The following DNAH9 variants were observed in gnomAD, a reference collection of about 807,000 sequenced individuals.
DNAH9 encodes dynein axonemal heavy chain 9.
DNAH9 carries 345 observed loss-of-function variants against 471.6 expected under a neutral mutation model. The ratio of observed to expected loss-of-function variants is 0.73; its 90% CI spans 0.67 to 0.80. The LOEUF is 0.80. Among genes scored for constraint, DNAH9 ranks in the 30% least tolerant of loss-of-function variants. The pLI is 0.00. For synonymous variants in DNAH9, 2,093 were observed against 2,123.6 expected, an observed-to-expected ratio of 0.99 and a Z score of 0.40; for missense variants, 5,407 against 5,609.2, an observed-to-expected ratio of 0.96 and a Z score of 1.15.
Position 11,752,950 on chromosome 17 carries a change from A to G in DNAH9, c.6728A>G (p.Asp2243Gly), listed in dbSNP as rs758606602. Residue 2243 changes from aspartate (D) to glycine (G), a missense_variant, in exon 33 of 69, where the codon GAT (aspartate) becomes GGT (glycine). Asp to Gly is a moderately conservative substitution (Grantham distance 94). Transcript: ENST00000262442. Reference sequence around the variant, plus strand: ...ATTGAATCCCTGAATACTGTCATGGATGATAACAAGGTATGAAATTGGGGG... The same window carrying G: ...ATTGAATCCCTGAATACTGTCATGGGTGATAACAAGGTATGAAATTGGGGG... ...MWIESLNTVM[D>G]DNKVLTLASN... 1.3e-6 allele frequency: 2 copies of G among 1,590,914 alleles called. No homozygotes were observed. The highest frequency in any genetic ancestry group is 1.7e-6 in the Non-Finnish European group (2 of 1,169,102).
chr17:11,608,698 T>C (rs1361935946), intron 2 of DNAH9, among the ~76,000 whole-genome samples: 3 of 152,220 alleles, frequency 2.0e-5, no homozygotes, highest in African/African-American at 7.2e-5. Flanking sequence ...TTCCCAGTGT[T>C]TACTCAGTAC....
chr17:11,798,124 T>C (rs1037071863), intron 43 of DNAH9, among the ~76,000 whole-genome samples: 1 of 151,810 alleles, frequency 6.6e-6, no homozygotes, highest in Admixed American at 6.6e-5. Context: ...TTGTTATTAG[T>C]CCAAGGGCCA....
chr17:11,802,921 C>A (rs532898011), intron 43 of DNAH9, among the ~76,000 whole-genome samples: 1 of 152,240 alleles, frequency 6.6e-6, no homozygotes, highest in African/African-American at 2.4e-5. Flanking sequence ...TGGACAAAAA[C>A]CAAACCAAAG....
At chr17:11,808,154 A>T (rs1969761558) in intron 44 of DNAH9, among the ~76,000 whole-genome samples, 1 of 152,174 alleles carries the variant, frequency 6.6e-6, no homozygotes, top group African/African-American at 2.4e-5. Flanking sequence ...TCTTGCTCAA[A>T]TCAGAAGCAC....
chr17:11,752,031 T>G (rs1000341656), intron 32 of DNAH9, among the ~76,000 whole-genome samples: 4 of 152,278 alleles, frequency 2.6e-5, no homozygotes, highest in Non-Finnish European at 4.4e-5. Context: ...TAGGAACACA[T>G]TTAACCAAAC....
At chr17:11,754,354 T>A (rs2191076) in intron 33 of DNAH9, among the ~76,000 whole-genome samples, 66,605 of 151,996 alleles carry the variant, frequency 0.44, 14,779 homozygotes, top group East Asian at 0.51. Context: ...GTAATGAAAT[T>A]CCTGGGTCAA....
chr17:11,799,675 C>T (rs1969381589), intron 43 of DNAH9, among the ~76,000 whole-genome samples: 1 of 125,476 alleles, frequency 8.0e-6, no homozygotes, highest in African/African-American at 3.1e-5. Context: ...CAGCCTCCAC[C>T]TCCCAGGTTC....
chr17:11,858,521 G>C (rs1195213618), intron 50 of DNAH9, among the ~76,000 whole-genome samples: 3 of 152,082 alleles, frequency 2.0e-5, no homozygotes, highest in Admixed American at 2.0e-4. Context: ...ACACAGTTTT[G>C]CTCATTTTGT....
Position 11,942,367 on chromosome 17 carries a change from TG to T in DNAH9, c.12727del (p.Ala4243ProfsTer11). ...GACGAGTTTAACATCCCAGAACTGA[TG>T]GCCAAAGTGGAGGAGCGCACCCCTT... ...VTDEFNIPELMAKVEERTPYI... is the reference protein window; with the variant it reads ...VTDEFNIPELXAKVEERTPYI... On this transcript the variant is annotated frameshift_variant, in exon 67 of 69. Coordinates refer to ENST00000262442, the MANE Select transcript of DNAH9 (RefSeq NM_001372.4). LOFTEE classifies it high-confidence loss of function. The T allele has an allele frequency of 6.2e-7, 1 of 1,614,190 alleles. No individual in the cohort carries two copies. The highest frequency in any genetic ancestry group is 8.5e-7 in the Non-Finnish European group (1 of 1,180,026).
Position 11,644,624 on chromosome 17 carries a change from C to G in DNAH9, c.1902-7C>G. 1 of 1,597,146 alleles carries G rather than the reference C, an allele frequency of 6.3e-7. No homozygotes were observed. Among genetic ancestry groups the G allele is most frequent in the South Asian group, 1.1e-5 (1 of 90,198 alleles). On this transcript the variant is annotated splice_region_variant and splice_polypyrimidine_tract_variant and intron_variant, in intron 10 of 68. Coordinates refer to ENST00000262442, the MANE Select transcript of DNAH9 (RefSeq NM_001372.4). The stretch of plus-strand genomic sequence containing the variant: ...TCTGTGTCACTTTTTCTCTTTTGTA[C>G]GAGTAGTTGCATGGAATCTGCAGAA...
chr17:11,690,268 G>C lies in DNAH9; in HGVS notation c.4446G>C (p.Leu1482=). 2 of 1,614,190 alleles carry C rather than the reference G, an allele frequency of 1.2e-6. No homozygotes were observed. The highest frequency in any genetic ancestry group is 2.2e-5 in the South Asian group (2 of 91,080). The change falls in exon 20 of 69, where the codon CTG becomes CTC. Residue 1482 remains leucine (L), a synonymous_variant. Transcript: ENST00000262442. ...ATAATCAAGTTCAACTTCAGAACCT[G>C]GTGATGTCCAAGTATGTTGCTTTCT... The part of the protein sequence containing the change: ...LEDNQVQLQN[L]VMSKYVAFFL...
Position 11,812,056 on chromosome 17 carries a change from C to CACACAT in DNAH9, c.8707+1690_8707+1691insCATACA, listed in dbSNP as rs1555601079. Among the ~76,000 whole-genome samples the CACACAT allele has an allele frequency of 1.0e-3, 65 of 63,422 alleles. 4 individuals are homozygous for CACACAT. Among genetic ancestry groups the CACACAT allele is most frequent in the African/African-American group, 2.1e-3 (31 of 14,814 alleles). 41.6% of individuals were successfully genotyped at this position (63,422 alleles called of 152,430 possible). On this transcript the variant is annotated intron_variant, in intron 45 of 68. Coordinates refer to ENST00000262442, the MANE Select transcript of DNAH9 (RefSeq NM_001372.4). ...ATATATATATATATATATATATATA[C>CACACAT]ACATACATACACACATACATCCAAG... is the stretch of plus-strand genomic sequence containing the variant.
At position 11,756,657 on chromosome 17, in the gene DNAH9, A is replaced by G. The variant is rs376922309; in HGVS notation, c.6828A>G (p.Pro2276=). 5.8e-5 allele frequency: 94 copies of G among 1,610,504 alleles called. No individual in the cohort carries two copies. The Middle Eastern group carries it at 8.2e-4, about 14-fold the overall frequency. Residue 2276 remains proline, a synonymous_variant, in exon 34 of 69, where the codon CCA becomes CCG. Coordinates refer to ENST00000262442, the MANE Select transcript of DNAH9 (RefSeq NM_001372.4). ...TCAGCCACCTGCGCACAGCCACTCCAGCAACTGTCTCTAGAGCAGGTACGG... is the reference window on the plus strand; with the variant it reads ...TCAGCCACCTGCGCACAGCCACTCCGGCAACTGTCTCTAGAGCAGGTACGG... ...FEISHLRTAT[P]ATVSRAGILY... is the part of the protein sequence containing the mutation.
rs376137384 is a variant in DNAH9 at position 11,757,366 on chromosome 17, TC to T, written c.6848-177del. On this transcript the variant is annotated intron_variant, in intron 34 of 68. Transcript: ENST00000262442. ...CTGCTCCCCATCCATCTATCATCAG[TC>T]CGCTGGAGTTGGTCCTCAATAGCAA... is the stretch of plus-strand genomic sequence containing the variant. Among the ~76,000 whole-genome samples, 267 of 152,246 alleles carry T rather than the reference TC, an allele frequency of 1.8e-3. 7 individuals carry two copies. In the South Asian group the frequency reaches 0.053, roughly 30 times the overall value.
chr17:11,748,148 CAAAAAAAAAAAAAAA>C (rs71142241), intron 32 of DNAH9, among the ~76,000 whole-genome samples: 4 of 64,668 alleles, frequency 6.2e-5, no homozygotes, highest in Admixed American at 2.2e-4. Flanking sequence ...ACTAAAAATA[CAAAAAAAAAAAAAAA>C]AAAAAAAAAA....
intron 14 of DNAH9, among the ~76,000 whole-genome samples, chr17:11,664,272 GGAGA>G (rs529645630): frequency 5.3e-5 from 8 of 150,470 alleles, no homozygotes; most frequent in Non-Finnish European, 8.9e-5. Flanking sequence ...AGGAAGGAGG[GGAGA>G]GAGAGAGAGA....
chr17:11,946,199 CAAAAAAAAA>C (rs34028612), intron 67 of DNAH9, among the ~76,000 whole-genome samples: 1 of 47,330 alleles, frequency 2.1e-5, no homozygotes, highest in Non-Finnish European at 4.0e-5. Context: ...GAGTCCATCT[CAAAAAAAAA>C]AAAAAAAAAA....
intron 40 of DNAH9, 116 bp from the exon 41 acceptor site, chr17:11,784,184 A>C: frequency 1.3e-6 from 2 of 1,514,386 alleles, no homozygotes; most frequent in Non-Finnish European, 1.8e-6. Context: ...GAGAGATGGG[A>C]CCAAAATATA....
chr17:11,897,566 T>A (rs1973259019), intron 59 of DNAH9, among the ~76,000 whole-genome samples: 1 of 152,228 alleles, frequency 6.6e-6, no homozygotes, highest in Admixed American at 6.5e-5. Context: ...AAGTTTGTTC[T>A]GTAAAGCGGT....
Sources: gnomAD v4.1 joint callset for allele counts (sites outside exome capture counted in the v4.1 genomes callset) on GRCh38, gnomAD v4.1.1 for gene constraint, MANE v1.5 for transcripts, NCBI Gene and HGNC (gene_info 2026-07-23, HGNC 2026-07-21) for gene names.